Variants in PHACTR3 observed in about 807,000 individuals in gnomAD.
PHACTR3 encodes the protein phosphatase and actin regulator 3.
Under a neutral mutation model 66.8 loss-of-function variants are expected in PHACTR3, and 16 were observed. The observed-to-expected ratio is 0.24, with a 90% confidence interval of 0.16 to 0.36. The LOEUF (loss-of-function observed/expected upper bound fraction) is 0.36, where lower values mean the gene tolerates loss of function less well. Ranked by LOEUF, PHACTR3 falls within the 10% of genes least tolerant of loss-of-function variation. The pLI is 1.00. For synonymous variants in PHACTR3, 323 were observed against 292.1 expected (o/e 1.11, Z -1.08); for missense variants, 647 against 719.9 (o/e 0.90, Z 1.16).
At chr20:59,759,696 G>T (rs1053113926) in intron 4 of PHACTR3, among the ~76,000 whole-genome samples, 1 of 152,202 alleles carries the variant, frequency 6.6e-6, no homozygotes, top group Non-Finnish European at 1.5e-5. Flanking sequence ...GCTGTTAGAT[G>T]CTGTGTGTCT....
chr20:59,592,681 A>C (rs2033218643), intron 1 of PHACTR3, among the ~76,000 whole-genome samples: 2 of 151,882 alleles, frequency 1.3e-5, no homozygotes, highest in Non-Finnish European at 2.9e-5. Context: ...CCTGGCATCC[A>C]CTCATCTTTT....
intron 3 of PHACTR3, among the ~76,000 whole-genome samples, 199 bp from the exon 4 acceptor site, chr20:59,754,983 C>T (rs1485924806): frequency 2.0e-5 from 3 of 152,080 alleles, no homozygotes; most frequent in African/African-American, 7.2e-5. Flanking sequence ...AGAAACCAGG[C>T]TAGGGTGTGC....
chr20:59,807,126 C>CT (rs1193953517), intron 8 of PHACTR3, among the ~76,000 whole-genome samples: 4 of 151,864 alleles, frequency 2.6e-5, no homozygotes, highest in Non-Finnish European at 2.9e-5. Context: ...TTTACATAAA[C>CT]TTTTTTTTTC....
At chr20:59,658,325 A>G (rs566609707) in intron 1 of PHACTR3, among the ~76,000 whole-genome samples, 2 of 151,454 alleles carry the variant, frequency 1.3e-5, no homozygotes, top group African/African-American at 2.4e-5. Flanking sequence ...CTTCTTTTGA[A>G]TGCTTTTTTT....
At chr20:59,640,773 A>G (rs1230085671) in intron 1 of PHACTR3, among the ~76,000 whole-genome samples, 1 of 152,194 alleles carries the variant, frequency 6.6e-6, no homozygotes, top group East Asian at 1.9e-4. Flanking sequence ...TAGATTAGGG[A>G]GGTTGCAAAG....
chr20:59,656,101 A>G (rs1386285120), intron 1 of PHACTR3, among the ~76,000 whole-genome samples: 1 of 151,856 alleles, frequency 6.6e-6, no homozygotes, highest in Non-Finnish European at 1.5e-5. Flanking sequence ...TGTGCATTTG[A>G]GAATGTGTAT....
chr20:59,584,189 T>C (rs76509097), intron 1 of PHACTR3, among the ~76,000 whole-genome samples: 113 of 152,282 alleles, frequency 7.4e-4, no homozygotes, highest in African/African-American at 2.5e-3. Flanking sequence ...CAAGTGTGTG[T>C]GAACGTGCAT....
intron 3 of PHACTR3, among the ~76,000 whole-genome samples, chr20:59,749,575 C>T (rs567194816): frequency 1.3e-5 from 2 of 152,302 alleles, no homozygotes; most frequent in African/African-American, 4.8e-5. Context: ...ACATCACACA[C>T]CCGCAGGCTT....
chr20:59,806,818 T>C (rs2041586034), intron 8 of PHACTR3, among the ~76,000 whole-genome samples: 1 of 152,234 alleles, frequency 6.6e-6, no homozygotes, highest in African/African-American at 2.4e-5. Flanking sequence ...CTCCACGCTG[T>C]AGCTGATGGC....
At chr20:59,836,381 C>G (rs998695889) in intron 8 of PHACTR3, 124 bp from the exon 9 acceptor site, 3 of 785,952 alleles carry the variant, frequency 3.8e-6, no homozygotes, top group Non-Finnish European at 5.9e-6. Flanking sequence ...TTCACTTTCT[C>G]TCCTTCCAAT....
intron 2 of PHACTR3, among the ~76,000 whole-genome samples, chr20:59,747,479 C>T (rs1295394895): frequency 6.6e-6 from 1 of 152,186 alleles, no homozygotes; most frequent in Non-Finnish European, 1.5e-5. Context: ...TAGAGAGGGG[C>T]GTTATATGTG....
At chr20:59,786,486 C>A (rs1568821545) in intron 7 of PHACTR3, among the ~76,000 whole-genome samples, 1 of 152,224 alleles carries the variant, frequency 6.6e-6, no homozygotes, top group Admixed American at 6.5e-5. Context: ...GCCCAGGGAG[C>A]AGCCCTGGGG....
intron 1 of PHACTR3, among the ~76,000 whole-genome samples, chr20:59,641,817 C>T (rs1332426479): frequency 1.3e-5 from 2 of 152,156 alleles, no homozygotes; most frequent in Non-Finnish European, 2.9e-5. Context: ...TAATTGTGAC[C>T]TGGTGGTTTC....
intron 8 of PHACTR3, among the ~76,000 whole-genome samples, chr20:59,816,112 C>A (rs1419967506): frequency 1.3e-5 from 2 of 151,944 alleles, no homozygotes; most frequent in Non-Finnish European, 2.9e-5. Flanking sequence ...TGTTTTCCTG[C>A]AACTAGATGG....
At chr20:59,664,900 C>T (rs1025626280) in intron 1 of PHACTR3, among the ~76,000 whole-genome samples, 6 of 152,186 alleles carry the variant, frequency 3.9e-5, no homozygotes, top group African/African-American at 1.4e-4. Flanking sequence ...GTGCGGTATC[C>T]ATTGCGGGCT....
chr20:59,695,431 A>T (rs1305610619), intron 1 of PHACTR3, among the ~76,000 whole-genome samples: 1 of 152,094 alleles, frequency 6.6e-6, no homozygotes, highest in African/African-American at 2.4e-5. Context: ...TTCCGCCGTG[A>T]TTATAAGTTT....
intron 1 of PHACTR3, among the ~76,000 whole-genome samples, chr20:59,594,410 T>A (rs1214740628): frequency 6.6e-6 from 1 of 151,992 alleles, no homozygotes; most frequent in Non-Finnish European, 1.5e-5. Flanking sequence ...TCTTCCTTCC[T>A]AATCTAGGTA....
intron 4 of PHACTR3, among the ~76,000 whole-genome samples, chr20:59,766,974 A>G (rs866843907): frequency 6.6e-6 from 1 of 152,144 alleles, no homozygotes. Flanking sequence ...CCCTCATACT[A>G]TTGAAATGAC....
At chr20:59,617,369 C>T (rs2034065712) in intron 1 of PHACTR3, among the ~76,000 whole-genome samples, 1 of 152,154 alleles carries the variant, frequency 6.6e-6, no homozygotes, top group Non-Finnish European at 1.5e-5. Context: ...ATGAGCAAGC[C>T]AGTGGGCAGG....
Sources: allele counts gnomAD v4.1 joint callset (sites outside exome capture counted in the v4.1 genomes callset), GRCh38; gene constraint gnomAD v4.1.1; transcripts MANE v1.5; gene names NCBI Gene and HGNC (gene_info 2026-07-23, HGNC 2026-07-21).